Variants in R3HDM1 observed in about 807,000 individuals in gnomAD.
R3HDM1 encodes R3H domain containing 1, also known as R3H domain-containing protein 1.
In R3HDM1, 46 loss-of-function variants were observed where a neutral mutation model predicts 141.1. The observed-to-expected ratio is 0.33, with a 90% CI of 0.26 to 0.42. The LOEUF is 0.42. Ranked by LOEUF, R3HDM1 falls within the 10% of genes least tolerant of loss-of-function variation. R3HDM1 has a pLI of 1.00. For synonymous variants in R3HDM1, 435 were observed against 472.9 expected (o/e 0.92, Z 1.04); for missense variants, 1,184 against 1,368.3 (o/e 0.87, Z 2.12).
intron 1 of R3HDM1, among the ~76,000 whole-genome samples, chr2:135,599,699 T>C (rs1051756612): frequency 6.6e-6 from 1 of 152,146 alleles, no homozygotes; most frequent in Non-Finnish European, 1.5e-5. Flanking sequence ...AAACATCCCT[T>C]TTACTTGAAG....
intron 21 of R3HDM1, among the ~76,000 whole-genome samples, chr2:135,698,358 A>G (rs549883916): frequency 1.7e-4 from 26 of 151,782 alleles, no homozygotes; most frequent in Admixed American, 1.2e-3. Flanking sequence ...ACGGGGTTTC[A>G]CCATATTAGC....
rs185588039 is a variant in R3HDM1, at chr2:135,671,085, A to G, written c.2153-4247A>G. Among the ~76,000 whole-genome samples, 45 of 151,312 alleles carry G rather than the reference A, an allele frequency of 3.0e-4. No individual in the cohort carries two copies. The East Asian group carries it at 7.0e-3, about 23-fold the overall frequency. ...AAAATAATAGTAAGTAAATAAATTA[A>G]AAGTAAAAATATTCAAATAATACCT... On this transcript the variant is annotated intron_variant, in intron 19 of 26. Transcript: ENST00000683871.
At chr2:135,538,515 T>C (rs1453783461) in intron 1 of R3HDM1, among the ~76,000 whole-genome samples, 1 of 152,264 alleles carries the variant, frequency 6.6e-6, no homozygotes, top group African/African-American at 2.4e-5. Flanking sequence ...TTGACCCTTT[T>C]TTAGTAACAG....
At chr2:135,575,542 G>T (rs1031138174) in intron 1 of R3HDM1, among the ~76,000 whole-genome samples, 18 of 152,102 alleles carry the variant, frequency 1.2e-4, no homozygotes, top group African/African-American at 4.3e-4. Flanking sequence ...AACTACAGGG[G>T]ATCACTGGTA....
In R3HDM1 at chr2:135,651,750, G is replaced by C. The variant is rs1336109941; in HGVS notation, c.1746G>C (p.Gln582His). ...QYSVQDNLGSQFSHMSLARQP... is the reference protein window; with the variant it reads ...QYSVQDNLGSHFSHMSLARQP... The stretch of plus-strand genomic sequence containing the variant: ...TTTAGCAGGATAACCTAGGGTCTCA[G>C]TTTAGCCACATGAGTCTTGCTCGCC... The change falls in exon 18 of 27, where the codon CAG becomes CAC. Residue 582 changes from glutamine to histidine, a missense_variant. Around this residue, in one of 5 missense-constraint regions of R3HDM1, gnomAD observed 563 missense variants for 562.0 expected, o/e 1.00. Coordinates refer to ENST00000683871, the MANE Select transcript of R3HDM1 (RefSeq NM_001378107.1). The C allele has an allele frequency of 1.2e-5, 19 of 1,612,568 alleles. No homozygotes were observed. The highest frequency in any genetic ancestry group is 1.6e-5 in the Non-Finnish European group (19 of 1,179,062).
intron 18 of R3HDM1, among the ~76,000 whole-genome samples, chr2:135,656,970 G>T (rs1352518977): frequency 6.6e-6 from 1 of 151,530 alleles, no homozygotes; most frequent in Non-Finnish European, 1.5e-5. Flanking sequence ...CTGGTGGTGG[G>T]TGCCTATAAT....
intron 19 of R3HDM1, among the ~76,000 whole-genome samples, chr2:135,662,149 A>T (rs1176121934): frequency 6.6e-6 from 1 of 152,204 alleles, no homozygotes; most frequent in Non-Finnish European, 1.5e-5. Flanking sequence ...TTATAACTCT[A>T]GGAGTTGAAG....
At chr2:135,597,481 C>G (rs1411650087) in intron 1 of R3HDM1, among the ~76,000 whole-genome samples, 1 of 152,218 alleles carries the variant, frequency 6.6e-6, no homozygotes, top group Non-Finnish European at 1.5e-5. Context: ...AGAGCATAAA[C>G]AGTGCTCTTC....
At chr2:135,558,254 C>G (rs1036576987) in intron 1 of R3HDM1, among the ~76,000 whole-genome samples, 11 of 152,298 alleles carry the variant, frequency 7.2e-5, no homozygotes, top group Non-Finnish European at 1.5e-4. Context: ...GCCTGCTGAG[C>G]AGTTGAAATG....
chr2:135,714,806 A>G (rs2076006297), intron 23 of R3HDM1, among the ~76,000 whole-genome samples: 1 of 152,040 alleles, frequency 6.6e-6, no homozygotes, highest in Non-Finnish European at 1.5e-5. Flanking sequence ...AAGCAGTGTA[A>G]TAAAAGTTAA....
intron 7 of R3HDM1, among the ~76,000 whole-genome samples, chr2:135,628,141 G>A (rs1197895861): frequency 2.6e-5 from 4 of 152,144 alleles, no homozygotes; most frequent in Admixed American, 6.5e-5. Context: ...TTACCTGTTA[G>A]TTTGAGTCTC....
Position 135,725,062 on chromosome 2 carries a change from T to C in R3HDM1, c.*770T>C, listed in dbSNP as rs1031125898. ...TTCTCCTTGTGGATTTTTTGTCACC[T>C]AAGGAAATGCATTTGATGAGTGCTG... On this transcript the variant is annotated 3_prime_UTR_variant, in exon 27 of 27. Transcript: ENST00000683871. 3 of 152,634 alleles carry C rather than the reference T, an allele frequency of 2.0e-5. No homozygotes were observed. The highest frequency in any genetic ancestry group is 7.2e-5 in the African/African-American group (3 of 41,456). The allele number at this position is 152,634 out of a possible 1,614,324, so 9.5% of individuals were successfully genotyped here. A position where few individuals can be genotyped will look rare whatever the true frequency, so the allele number is the denominator to read the frequency against.
At chr2:135,637,705 G>C (rs2063399320) in intron 11 of R3HDM1, among the ~76,000 whole-genome samples, 1 of 152,140 alleles carries the variant, frequency 6.6e-6, no homozygotes, top group Admixed American at 6.6e-5. Flanking sequence ...GAAAGTTTAG[G>C]TTGGAAAAAT....
intron 1 of R3HDM1, among the ~76,000 whole-genome samples, chr2:135,537,409 C>G (rs927289116): frequency 2.7e-5 from 4 of 150,182 alleles, no homozygotes; most frequent in South Asian, 2.1e-4. Flanking sequence ...CCTCAGCCCC[C>G]CCAAGTAGCT....
At chr2:135,702,116 G>A (rs559893731) in intron 21 of R3HDM1, among the ~76,000 whole-genome samples, 14 of 150,088 alleles carry the variant, frequency 9.3e-5, no homozygotes, top group African/African-American at 3.5e-4. Flanking sequence ...AATGTGGTAT[G>A]TACATACAGT....
At chr2:135,567,903 C>CTTTTTTT (rs562748072) in intron 1 of R3HDM1, among the ~76,000 whole-genome samples, 3 of 73,790 alleles carry the variant, frequency 4.1e-5, no homozygotes, top group African/African-American at 6.2e-5. Context: ...CCACACCTGG[C>CTTTTTTT]TTTTTTTTTT....
At chr2:135,636,240 G>T in intron 11 of R3HDM1, 57 bp downstream of exon 11, 2 of 1,541,250 alleles carry the variant, frequency 1.3e-6, no homozygotes, top group South Asian at 1.3e-5. Context: ...TACGTTGTAG[G>T]GTCTCAGTCT....
chr2:135,640,258 C>T (rs1352120443), intron 14 of R3HDM1, among the ~76,000 whole-genome samples: 1 of 152,176 alleles, frequency 6.6e-6, no homozygotes, highest in Non-Finnish European at 1.5e-5. Context: ...TTGCAGTTGT[C>T]ATCTTTTTAA....
intron 20 of R3HDM1, 71 bp downstream of exon 20, chr2:135,675,557 T>A: frequency 7.2e-7 from 1 of 1,390,802 alleles, no homozygotes; most frequent in Non-Finnish European, 9.8e-7. Flanking sequence ...CTACAATACA[T>A]CTTCTATGCT....
Sources: allele counts gnomAD v4.1 joint callset (sites outside exome capture counted in the v4.1 genomes callset), GRCh38; gene constraint gnomAD v4.1.1; regional missense constraint gnomAD v4.1.1; transcripts MANE v1.5; gene names NCBI Gene and HGNC (gene_info 2026-07-23, HGNC 2026-07-21).